The following COL25A1 variants were observed in gnomAD, a reference collection of about 807,000 sequenced individuals.
The protein encoded by COL25A1 is collagen alpha-1(XXV) chain.
In COL25A1, 103 loss-of-function variants were observed where a neutral mutation model predicts 128.4. That is an observed-to-expected ratio of 0.80 (90% confidence interval 0.68 to 0.94). COL25A1 has a LOEUF of 0.94. Among genes scored for constraint, COL25A1 ranks in the 40% least tolerant of loss-of-function variants. The pLI, the probability that COL25A1 is intolerant of heterozygous loss-of-function variation, is 0.00. For missense variants in COL25A1, 745 were observed against 840.0 expected (o/e 0.89, Z 1.40); for synonymous variants, 279 against 277.2 (o/e 1.01, Z -0.06).
At chr4:109,169,586 T>C (rs1450349394) in intron 3 of COL25A1, among the ~76,000 whole-genome samples, 4 of 152,196 alleles carry the variant, frequency 2.6e-5, no homozygotes, top group Admixed American at 1.3e-4. Flanking sequence ...TCAGACTGAA[T>C]TGACCATTTA....
At chr4:109,283,137 A>G (rs1723541229) in intron 3 of COL25A1, among the ~76,000 whole-genome samples, 1 of 152,224 alleles carries the variant, frequency 6.6e-6, no homozygotes, top group Non-Finnish European at 1.5e-5. Flanking sequence ...AGAAATTTAT[A>G]TAAAATATAA....
intron 3 of COL25A1, among the ~76,000 whole-genome samples, chr4:109,138,556 T>C (rs928349007): frequency 2.0e-5 from 3 of 152,182 alleles, no homozygotes; most frequent in East Asian, 1.9e-4. Context: ...CTTGAGGAAT[T>C]GCCACACTGT....
At chr4:109,048,831 A>G (rs761500468) in intron 4 of COL25A1, among the ~76,000 whole-genome samples, 4 of 152,092 alleles carry the variant, frequency 2.6e-5, no homozygotes, top group Non-Finnish European at 5.9e-5. Context: ...TTTCCCCAAA[A>G]TCCTCTTTCT....
intron 5 of COL25A1, among the ~76,000 whole-genome samples, chr4:109,011,194 C>G (rs1627543): frequency 2.6e-5 from 4 of 152,022 alleles, no homozygotes; most frequent in Non-Finnish European, 5.9e-5. Flanking sequence ...AATGTTCACA[C>G]TGAGTTAAGA....
intron 3 of COL25A1, among the ~76,000 whole-genome samples, chr4:109,057,267 T>G (rs1761530359): frequency 6.6e-6 from 1 of 151,978 alleles, no homozygotes; most frequent in African/African-American, 2.4e-5. Flanking sequence ...ATTTTTTCAA[T>G]TTTATTTATT....
intron 3 of COL25A1, among the ~76,000 whole-genome samples, chr4:109,123,418 AT>A (rs1464221561): frequency 2.0e-5 from 3 of 152,070 alleles, no homozygotes; most frequent in Non-Finnish European, 4.4e-5. Context: ...CCTTATTTTA[AT>A]TATTTTCACA....
At chr4:108,974,585 T>C in intron 6 of COL25A1, 26 bp from the exon 7 acceptor site, 1 of 1,575,714 alleles carries the variant, frequency 6.3e-7, no homozygotes, top group Non-Finnish European at 8.6e-7. Context: ...AGAAAAAAAA[T>C]TTTAATTAAA....
intron 6 of COL25A1, among the ~76,000 whole-genome samples, chr4:109,002,239 T>C (rs374544362): frequency 1.9e-4 from 29 of 152,362 alleles, no homozygotes; most frequent in African/African-American, 7.0e-4. Flanking sequence ...GAAATCAGTA[T>C]GTTGAAGAGA....
At position 108,813,883 on chromosome 4, in the gene COL25A1, T is replaced by A. The variant is rs1731003868; in HGVS notation, c.*44A>T. The A allele has an allele frequency of 2.0e-6, 3 of 1,492,576 alleles. No homozygotes were observed. Among genetic ancestry groups the A allele is most frequent in the Non-Finnish European group, 2.8e-6 (3 of 1,087,956 alleles). 92.5% of individuals were successfully genotyped at this position (1,492,576 alleles called of 1,614,324 possible). A position where few individuals can be genotyped will look rare whatever the true frequency, so the allele number is the denominator to read the frequency against. On this transcript the variant is annotated 3_prime_UTR_variant, in exon 38 of 38. Transcript: ENST00000399132. ...AGTTTTCAACTATAAATATTAAAAA[T>A]GGACCCTTATATACACAACTTCATG...
intron 26 of COL25A1, among the ~76,000 whole-genome samples, chr4:108,850,779 C>G (rs909961586): frequency 6.6e-6 from 1 of 152,034 alleles, no homozygotes; most frequent in South Asian, 2.1e-4. Context: ...TCAAAAATTA[C>G]TTACTGAATA....
intron 3 of COL25A1, among the ~76,000 whole-genome samples, chr4:109,268,764 G>A (rs1341910888): frequency 6.6e-6 from 1 of 152,034 alleles, no homozygotes; most frequent in South Asian, 2.1e-4. Context: ...TAGCCCCAAC[G>A]GTGTGAGCTG....
intron 3 of COL25A1, among the ~76,000 whole-genome samples, chr4:109,066,119 A>G (rs1762427498): frequency 6.6e-6 from 1 of 152,188 alleles, no homozygotes. Context: ...GCAATCTAGA[A>G]TAATAGTGAT....
chr4:109,286,189 C>T (rs891523344), intron 3 of COL25A1, among the ~76,000 whole-genome samples: 1 of 152,138 alleles, frequency 6.6e-6, no homozygotes, highest in Non-Finnish European at 1.5e-5. Flanking sequence ...GCAATAGACA[C>T]CTCTGAAGAG....
rs776941019 is a variant in COL25A1 at position 109,057,421 on chromosome 4, A to ATTTTTTTTTT, written c.368-7252_368-7243dup. Among the ~76,000 whole-genome samples, 127 of 20,252 alleles carry ATTTTTTTTTT rather than the reference A, an allele frequency of 6.3e-3. 12 individuals carry two copies. Among genetic ancestry groups the ATTTTTTTTTT allele is most frequent in the South Asian group, 8.8e-3 (1 of 114 alleles). 13.3% of individuals were successfully genotyped at this position (20,252 alleles called of 152,430 possible). A position where few individuals can be genotyped will look rare whatever the true frequency, so the allele number is the denominator to read the frequency against. The stretch of plus-strand genomic sequence containing the variant: ...TAGCTGGGACCACCATGCCTAGCTA[A>ATTTTTTTTTT]TTTTTTTTTTTTTTTTTTTTTTTTT... On this transcript the variant is annotated intron_variant, in intron 3 of 37. Coordinates refer to ENST00000399132, the MANE Select transcript of COL25A1 (RefSeq NM_198721.4).
intron 30 of COL25A1, among the ~76,000 whole-genome samples, chr4:108,842,127 T>C (rs548964600): frequency 4.6e-5 from 7 of 152,260 alleles, no homozygotes; most frequent in South Asian, 2.1e-4. Context: ...CCCCAGACTT[T>C]AAGTGCCAGG....
At chr4:109,016,450 C>T (rs753590305) in intron 5 of COL25A1, among the ~76,000 whole-genome samples, 28 of 152,322 alleles carry the variant, frequency 1.8e-4, no homozygotes, top group Admixed American at 3.3e-4. Context: ...CGGAAAGGGG[C>T]GGGTCCCTGG....
intron 13 of COL25A1, 65 bp downstream of exon 13, chr4:108,918,106 AG>A: frequency 2.1e-6 from 2 of 956,896 alleles, no homozygotes. Flanking sequence ...ATTATGGACT[AG>A]AATAATTTTG....
chr4:108,847,759 T>A (rs1246213413), intron 27 of COL25A1, among the ~76,000 whole-genome samples: 3 of 152,216 alleles, frequency 2.0e-5, no homozygotes, highest in Admixed American at 6.5e-5. Context: ...TATGTTTCTG[T>A]TTACCACATG....
intron 22 of COL25A1, 130 bp from the exon 23 acceptor site, chr4:108,861,101 A>T: frequency 1.4e-6 from 1 of 703,300 alleles, no homozygotes. Flanking sequence ...AACAGCAACC[A>T]CCACCAAAAT....
Sources: gnomAD v4.1 joint callset for allele counts (sites outside exome capture counted in the v4.1 genomes callset) on GRCh38, gnomAD v4.1.1 for gene constraint, MANE v1.5 for transcripts, NCBI Gene and HGNC (gene_info 2026-07-23, HGNC 2026-07-21) for gene names.